Variants in RAB6A observed in about 807,000 individuals in gnomAD.
RAB6A encodes RAB6A, member RAS oncogene family.
A neutral mutation model predicts 32.3 loss-of-function variants in RAB6A; 8 were observed. That is an observed-to-expected ratio of 0.25 (90% CI 0.15 to 0.45). The LOEUF (loss-of-function observed/expected upper bound fraction) is 0.45. Ranked by LOEUF, RAB6A falls within the 20% of genes least tolerant of loss-of-function variation. The pLI is 1.00. For synonymous variants in RAB6A, 73 were observed against 82.1 expected, an observed-to-expected ratio of 0.89 and a Z score of 0.60; for missense variants, 104 against 249.4, an observed-to-expected ratio of 0.42 and a Z score of 3.93.
chr11:73,734,383 C>T (rs887149464), intron 1 of RAB6A, among the ~76,000 whole-genome samples: 2 of 152,272 alleles, frequency 1.3e-5, no homozygotes, highest in African/African-American at 4.8e-5. Context: ...GCCTCAGCCC[C>T]CCAAAGAGCT....
chr11:73,757,110 T>TATATATATATAC (rs1946764309), intron 1 of RAB6A, among the ~76,000 whole-genome samples: 1 of 40,256 alleles, frequency 2.5e-5, no homozygotes, highest in African/African-American at 1.1e-4. Flanking sequence ...TATATATATA[T>TATATATATATAC]ATATATATAT....
chr11:73,750,348 CTT>C (rs987571298), intron 1 of RAB6A, among the ~76,000 whole-genome samples: 1 of 144,346 alleles, frequency 6.9e-6, no homozygotes. Flanking sequence ...ATTTCCTTCC[CTT>C]TTTTTTTTTT....
At chr11:73,707,149 A>G (rs1230137297) in intron 6 of RAB6A, among the ~76,000 whole-genome samples, 1 of 147,788 alleles carries the variant, frequency 6.8e-6, no homozygotes, top group African/African-American at 2.5e-5. Context: ...AAAAGAAAAG[A>G]AAATTTACCT....
At chr11:73,705,774 G>C (rs958368668) in intron 6 of RAB6A, among the ~76,000 whole-genome samples, 27 of 140,440 alleles carry the variant, frequency 1.9e-4, no homozygotes, top group Admixed American at 1.4e-3. Context: ...CGATGAGAGA[G>C]AGAGAGAGAG....
chr11:73,723,534 G>T (rs1161580516), intron 2 of RAB6A, among the ~76,000 whole-genome samples: 1 of 151,806 alleles, frequency 6.6e-6, no homozygotes, highest in Non-Finnish European at 1.5e-5. Flanking sequence ...ACTATATGTT[G>T]GCCAGGCTGG....
chr11:73,750,510 C>T (rs1946656813), intron 1 of RAB6A, among the ~76,000 whole-genome samples: 2 of 152,100 alleles, frequency 1.3e-5, no homozygotes, highest in Admixed American at 6.6e-5. Context: ...CATGTGCCAC[C>T]GCGCCCAGCA....
chr11:73,754,843 G>A (rs191101669), intron 1 of RAB6A, among the ~76,000 whole-genome samples: 55 of 151,774 alleles, frequency 3.6e-4, no homozygotes, highest in Non-Finnish European at 5.0e-4. Flanking sequence ...TCGCGAACCC[G>A]GGAGGCACTC....
chr11:73,688,808 C>G (rs894667170), intron 6 of RAB6A, among the ~76,000 whole-genome samples: 13 of 152,314 alleles, frequency 8.5e-5, no homozygotes, highest in Admixed American at 3.9e-4. Flanking sequence ...GAGATTAACT[C>G]AGAGTCTAGC....
At chr11:73,731,764 A>T (rs1213670180) in intron 1 of RAB6A, among the ~76,000 whole-genome samples, 2 of 137,508 alleles carry the variant, frequency 1.5e-5, no homozygotes, top group African/African-American at 2.8e-5. Context: ...TTTTTTTTTT[A>T]GACAGTCTCG....
chr11:73,718,988 G>C, intron 3 of RAB6A: 1 of 1,145,464 alleles, frequency 8.7e-7, no homozygotes, highest in Non-Finnish European at 1.2e-6. Context: ...AGGGTGGGAA[G>C]GAAGTAGAAA....
rs529233396 is a variant in RAB6A, at chr11:73,679,604, T to C, written c.562+50A>G. 7.5e-5 allele frequency: 120 copies of C among 1,605,444 alleles called. No individual in the cohort carries two copies. In the East Asian group the frequency reaches 1.4e-3, roughly 19 times the overall value. ...TTCTTTAGCCAAGCAAGCAGGGCTC[T>C]AAAGACTAGTGTTAATAATGAAAAA... On this transcript the variant is annotated intron_variant, in intron 7 of 7. Transcript: ENST00000336083.
rs1193939293 is a variant in RAB6A at position 73,760,983 on chromosome 11, G to A, written c.-348C>T. On this transcript the variant is annotated 5_prime_UTR_variant, in exon 1 of 8. Transcript: ENST00000336083. Reference sequence around the variant, plus strand: ...CTGGGGAAGAGAAGCTGAGGGTGGCGGAGCCGGAACCGCAGACGTATCTGG... The same window carrying A: ...CTGGGGAAGAGAAGCTGAGGGTGGCAGAGCCGGAACCGCAGACGTATCTGG... 7 of 247,030 alleles carry A rather than the reference G, an allele frequency of 2.8e-5. No homozygotes were observed. The highest frequency in any genetic ancestry group is 1.1e-4 in the African/African-American group (5 of 44,286). The allele number at this position is 247,030 out of a possible 1,614,324, so 15.3% of individuals were successfully genotyped here. A position where few individuals can be genotyped will look rare whatever the true frequency, so the allele number is the denominator to read the frequency against.
chr11:73,739,573 C>T (rs1946463151), intron 1 of RAB6A, among the ~76,000 whole-genome samples: 2 of 151,512 alleles, frequency 1.3e-5, no homozygotes, highest in South Asian at 4.2e-4. Flanking sequence ...AGTCCTTGGG[C>T]TCAAGAAATC....
At chr11:73,738,550 G>A (rs775320387) in intron 1 of RAB6A, among the ~76,000 whole-genome samples, 2 of 152,180 alleles carry the variant, frequency 1.3e-5, no homozygotes, top group Non-Finnish European at 2.9e-5. Context: ...TACTTGGGAG[G>A]TTGAGGCAGG....
intron 2 of RAB6A, among the ~76,000 whole-genome samples, chr11:73,726,928 A>T (rs1416954273): frequency 2.0e-5 from 3 of 152,182 alleles, no homozygotes; most frequent in Non-Finnish European, 1.5e-5. Flanking sequence ...TGAGAAGAGA[A>T]TACATGATTT....
chr11:73,726,184 C>T (rs373239376), intron 2 of RAB6A, among the ~76,000 whole-genome samples: 1 of 151,108 alleles, frequency 6.6e-6, no homozygotes, highest in Non-Finnish European at 1.5e-5. Flanking sequence ...ATTCGGGAGG[C>T]TGAGGCAGGA....
intron 2 of RAB6A, among the ~76,000 whole-genome samples, chr11:73,724,732 C>T (rs1231412125): frequency 1.3e-5 from 2 of 151,972 alleles, no homozygotes; most frequent in African/African-American, 2.4e-5. Flanking sequence ...GTGATCCGCC[C>T]GCCTTGGCCT....
At chr11:73,694,255 G>GGA (rs1945622566) in intron 6 of RAB6A, among the ~76,000 whole-genome samples, 1 of 152,174 alleles carries the variant, frequency 6.6e-6, no homozygotes, top group Non-Finnish European at 1.5e-5. Flanking sequence ...AAAAGACACT[G>GGA]AGTACTTACT....
chr11:73,737,108 T>C (rs1224730982), intron 1 of RAB6A, among the ~76,000 whole-genome samples: 2 of 151,870 alleles, frequency 1.3e-5, no homozygotes, highest in Non-Finnish European at 2.9e-5. Flanking sequence ...GAACAAGAAA[T>C]TTACAACTAA....
Sources: gnomAD v4.1 joint callset for allele counts (sites outside exome capture counted in the v4.1 genomes callset) on GRCh38, gnomAD v4.1.1 for gene constraint, MANE v1.5 for transcripts, NCBI Gene and HGNC (gene_info 2026-07-23, HGNC 2026-07-21) for gene names.